The following GGA2 variants were observed in gnomAD, a reference collection of about 807,000 sequenced individuals.
The protein encoded by GGA2 is golgi associated, gamma adaptin ear containing, ARF binding protein 2, also known as ADP-ribosylation factor-binding protein GGA2.
Under a neutral mutation model 79.5 loss-of-function variants are expected in GGA2, and 48 were observed. The observed-to-expected ratio is 0.60, with a 90% confidence interval of 0.48 to 0.77. The LOEUF (loss-of-function observed/expected upper bound fraction) is 0.77, where lower values mean the gene tolerates loss of function less well. GGA2 is among the 30% of genes least tolerant of loss of function. GGA2 has a pLI of 0.00. For missense variants in GGA2, 770 were observed against 774.0 expected (o/e 0.99, Z 0.06); for synonymous variants, 317 against 302.0 (o/e 1.05, Z -0.51).
intron 11 of GGA2, 97 bp from the exon 12 acceptor site, chr16:23,479,008 A>C (rs1181138120): frequency 1.1e-6 from 1 of 879,886 alleles, no homozygotes; most frequent in African/African-American, 1.6e-5. Flanking sequence ...ACATCCAGAA[A>C]GTCTAGACAA....
At chr16:23,505,834 G>A (rs1964968764) in intron 1 of GGA2, among the ~76,000 whole-genome samples, 1 of 152,174 alleles carries the variant, frequency 6.6e-6, no homozygotes, top group African/African-American at 2.4e-5. Context: ...GATTGCAGTA[G>A]GGAGAAGAGC....
At chr16:23,483,963 G>C (rs1442860444) in intron 8 of GGA2, among the ~76,000 whole-genome samples, 1 of 147,234 alleles carries the variant, frequency 6.8e-6, no homozygotes, top group East Asian at 2.1e-4. Flanking sequence ...TGGTTTCTTA[G>C]ATGTGATAAC....
At chr16:23,492,550 G>A (rs1964802409) in intron 4 of GGA2, among the ~76,000 whole-genome samples, 1 of 152,212 alleles carries the variant, frequency 6.6e-6, no homozygotes. Flanking sequence ...AACCTACGTT[G>A]GGAGGATGGC....
At chr16:23,519,578 A>C in intron 2 of GGA2, 1 of 412,522 alleles carries the variant, frequency 2.4e-6, no homozygotes, top group Middle Eastern at 3.5e-4. Context: ...GAGAAGAGAG[A>C]TGATTTACCT....
chr16:23,505,929 C>T (rs776274075), intron 1 of GGA2, among the ~76,000 whole-genome samples: 6 of 152,068 alleles, frequency 3.9e-5, no homozygotes, highest in Non-Finnish European at 7.4e-5. Flanking sequence ...CTTTACTTTC[C>T]TTTTTTTGGT....
At chr16:23,499,330 G>A (rs1314383095) in intron 1 of GGA2, among the ~76,000 whole-genome samples, 1 of 151,960 alleles carries the variant, frequency 6.6e-6, no homozygotes, top group African/African-American at 2.4e-5. Flanking sequence ...ATTTTCAGTA[G>A]AGATGGGGTT....
intron 1 of GGA2, among the ~76,000 whole-genome samples, chr16:23,504,282 C>A (rs181348363): frequency 6.6e-6 from 1 of 152,182 alleles, no homozygotes; most frequent in Non-Finnish European, 1.5e-5. Context: ...ACCACTCTTG[C>A]GGTGAGGTCT....
chr16:23,493,993 C>T, intron 3 of GGA2: 1 of 419,036 alleles, frequency 2.4e-6, no homozygotes, highest in Non-Finnish European at 4.4e-6. Context: ...GGGCCCTGTG[C>T]TAGAACTGCC....
chr16:23,494,580 G>A (rs532305974), intron 2 of GGA2, among the ~76,000 whole-genome samples: 12 of 152,260 alleles, frequency 7.9e-5, no homozygotes, highest in African/African-American at 2.9e-4. Flanking sequence ...AGCACCCAAG[G>A]TCCTCCTCCT....
At position 23,465,389 on chromosome 16, in the gene GGA2, G is replaced by C. The variant is rs1276855881; in HGVS notation, c.*2201C>G. 1 of 702,852 alleles carries C rather than the reference G, an allele frequency of 1.4e-6. No individual in the cohort carries two copies. The highest frequency in any genetic ancestry group is 2.6e-6 in the Non-Finnish European group (1 of 384,846). 43.5% of individuals were successfully genotyped at this position (702,852 alleles called of 1,614,324 possible). ...ATGCCATAAACCACAGCCACTTTCAGGACAGCAGCCTGCCTCCTCTCCTCC... is the reference window on the plus strand; with the variant it reads ...ATGCCATAAACCACAGCCACTTTCACGACAGCAGCCTGCCTCCTCTCCTCC... On this transcript the variant is annotated 3_prime_UTR_variant, in exon 17 of 17. Transcript: ENST00000309859.
At chr16:23,476,243 A>T (rs1193425046) in intron 13 of GGA2, among the ~76,000 whole-genome samples, 1 of 152,204 alleles carries the variant, frequency 6.6e-6, no homozygotes, top group Admixed American at 6.5e-5. Flanking sequence ...TGAAAAAAAG[A>T]AGACTGCAAG....
chr16:23,475,331 A>C (rs1964563931), intron 13 of GGA2, among the ~76,000 whole-genome samples: 1 of 151,544 alleles, frequency 6.6e-6, no homozygotes, highest in Non-Finnish European at 1.5e-5. Flanking sequence ...CTGGGATTAC[A>C]GGCACCTGCC....
rs1379740987 is a variant in GGA2 at position 23,498,108 on chromosome 16, C to T, written c.92-2330G>A. Among the ~76,000 whole-genome samples the T allele has an allele frequency of 2.6e-5, 4 of 152,068 alleles. No homozygotes were observed. The East Asian group carries it at 7.7e-4, about 29-fold the overall frequency. On this transcript the variant is annotated intron_variant, in intron 1 of 16. Coordinates refer to ENST00000309859, the MANE Select transcript of GGA2 (RefSeq NM_015044.4). ...CAGCCTGGGCAACACGGTGAAATCC[C>T]GTCTCTACCAAAATACAAATAATTA...
chr16:23,500,957 G>A (rs983098796), intron 1 of GGA2: 22 of 288,920 alleles, frequency 7.6e-5, no homozygotes, highest in Middle Eastern at 4.6e-4. Context: ...AATACACCTC[G>A]TGTTACACCA....
chr16:23,481,153 TG>T (rs772970942), intron 9 of GGA2, among the ~76,000 whole-genome samples: 22 of 151,386 alleles, frequency 1.5e-4, no homozygotes, highest in Non-Finnish European at 2.1e-4. Context: ...CCGAGGCGGG[TG>T]GATCACCTGA....
At chr16:23,484,003 A>G (rs1009088593) in intron 8 of GGA2, among the ~76,000 whole-genome samples, 15 of 150,494 alleles carry the variant, frequency 1.0e-4, no homozygotes, top group African/African-American at 2.9e-4. Flanking sequence ...TAAAAAAAAA[A>G]AAAGGCCAGG....
chr16:23,483,209 G>A (rs577898300), intron 8 of GGA2, among the ~76,000 whole-genome samples: 3 of 152,230 alleles, frequency 2.0e-5, no homozygotes, highest in African/African-American at 7.2e-5. Context: ...TATGATTTCT[G>A]AAAATAAAAT....
At chr16:23,510,592 T>C (rs2142148132), upstream of GGA2, 2 of 384,378 alleles carry the variant, frequency 5.2e-6, no homozygotes, top group Admixed American at 4.5e-5. Context: ...CATTTCTTAG[T>C]CCAGATCCCT....
chr16:23,485,966 A>C (rs971791364), intron 8 of GGA2, 49 bp downstream of exon 8: 7 of 1,576,644 alleles, frequency 4.4e-6, no homozygotes, highest in South Asian at 2.3e-5. Flanking sequence ...AAGCATTTCA[A>C]ACCCACTTTA....
Sources: allele counts gnomAD v4.1 joint callset (sites outside exome capture counted in the v4.1 genomes callset), GRCh38; gene constraint gnomAD v4.1.1; transcripts MANE v1.5; gene names NCBI Gene and HGNC (gene_info 2026-07-23, HGNC 2026-07-21).